The following MSRB2 variants were observed in gnomAD, a reference collection of about 807,000 sequenced individuals.
MSRB2 encodes the protein methionine-R-sulfoxide reductase B2, mitochondrial.
In MSRB2, 17 loss-of-function variants were observed where a neutral mutation model predicts 19.0. The ratio of observed to expected loss-of-function variants is 0.89; its 90% CI spans 0.61 to 1.34. The LOEUF (loss-of-function observed/expected upper bound fraction) is 1.34. Ranked by LOEUF, MSRB2 falls within the 40% of genes most tolerant of loss-of-function variation. MSRB2 has a pLI of 0.00. For missense variants in MSRB2, 208 were observed against 237.6 expected (o/e 0.88, Z 0.82); for synonymous variants, 107 against 99.7 (o/e 1.07, Z -0.44).
chr10:23,120,921 A>G lies in MSRB2; in HGVS notation c.*59A>G. 1 of 1,269,528 alleles carries G rather than the reference A, an allele frequency of 7.9e-7. No homozygotes were observed. Among genetic ancestry groups the G allele is most frequent in the East Asian group, 2.3e-5 (1 of 42,796 alleles). 78.6% of individuals were successfully genotyped at this position (1,269,528 alleles called of 1,614,324 possible). On this transcript the variant is annotated 3_prime_UTR_variant, in exon 5 of 5. Transcript: ENST00000376510. Reference sequence around the variant, plus strand: ...TTCACGTGCACCCTCAATTTCCACAATTCACTTGAATGACTTGTTTTATTT... The same window carrying G: ...TTCACGTGCACCCTCAATTTCCACAGTTCACTTGAATGACTTGTTTTATTT...
At chr10:23,107,228 C>T (rs190528157) in intron 2 of MSRB2, among the ~76,000 whole-genome samples, 14 of 152,340 alleles carry the variant, frequency 9.2e-5, no homozygotes, top group African/African-American at 2.2e-4. Context: ...TCCAATCAGG[C>T]GTACACCCAG....
chr10:23,106,207 T>C (rs565367007), intron 2 of MSRB2, among the ~76,000 whole-genome samples: 1 of 152,358 alleles, frequency 6.6e-6, no homozygotes, highest in East Asian at 1.9e-4. Flanking sequence ...TTTCCATGGA[T>C]CCATTTCCAC....
At chr10:23,120,317 G>C (rs1840167734) in intron 4 of MSRB2, among the ~76,000 whole-genome samples, 1 of 152,164 alleles carries the variant, frequency 6.6e-6, no homozygotes, top group Non-Finnish European at 1.5e-5. Flanking sequence ...TGACTCATGG[G>C]TTTTGTAAAA....
At chr10:23,107,566 A>G (rs1270791944) in intron 2 of MSRB2, among the ~76,000 whole-genome samples, 1 of 152,210 alleles carries the variant, frequency 6.6e-6, no homozygotes, top group African/African-American at 2.4e-5. Context: ...ATCTCAGATA[A>G]TATCTGATAC....
At chr10:23,104,926 T>C (rs1476670143) in intron 2 of MSRB2, among the ~76,000 whole-genome samples, 2 of 152,112 alleles carry the variant, frequency 1.3e-5, no homozygotes, top group Middle Eastern at 3.2e-3. Flanking sequence ...TGGCAAACCT[T>C]CTCCTAGCCC....
chr10:23,104,279 T>C, intron 2 of MSRB2, 35 bp downstream of exon 2: 1 of 1,594,348 alleles, frequency 6.3e-7, no homozygotes, highest in African/African-American at 1.3e-5. Flanking sequence ...TCTGATTGCA[T>C]GTGTTGGCAG....
intron 3 of MSRB2, among the ~76,000 whole-genome samples, chr10:23,113,625 G>A (rs1840078196): frequency 6.6e-6 from 1 of 152,192 alleles, no homozygotes; most frequent in African/African-American, 2.4e-5. Context: ...AGCTGGGAAT[G>A]TGACCTTATT....
chr10:23,111,434 A>G (rs537312345), intron 3 of MSRB2, among the ~76,000 whole-genome samples: 1 of 152,352 alleles, frequency 6.6e-6, no homozygotes, highest in African/African-American at 2.4e-5. Flanking sequence ...TTGTTACCGC[A>G]GGCACCAGGC....
chr10:23,104,875 C>A (rs542689859), intron 2 of MSRB2, among the ~76,000 whole-genome samples: 18 of 152,252 alleles, frequency 1.2e-4, no homozygotes, highest in African/African-American at 4.1e-4. Context: ...CCCATTCATT[C>A]AGACCTACCT....
At chr10:23,119,243 C>A (rs1391831042) in intron 3 of MSRB2, 61 bp from the exon 4 acceptor site, 1 of 1,590,384 alleles carries the variant, frequency 6.3e-7, no homozygotes, top group Non-Finnish European at 8.6e-7. Flanking sequence ...CATCGGGGCA[C>A]CTCTTGGCAT....
chr10:23,100,414 G>A (rs1395392417), intron 1 of MSRB2, among the ~76,000 whole-genome samples: 1 of 152,202 alleles, frequency 6.6e-6, no homozygotes, highest in African/African-American at 2.4e-5. Flanking sequence ...CAGACAGGAA[G>A]AGGCTTGTAT....
At chr10:23,112,519 G>A (rs979809628) in intron 3 of MSRB2, among the ~76,000 whole-genome samples, 1 of 152,210 alleles carries the variant, frequency 6.6e-6, no homozygotes, top group African/African-American at 2.4e-5. Flanking sequence ...ACATGGAAAA[G>A]CATAGAGCAA....
At chr10:23,108,460 G>A (rs1461532764) in intron 2 of MSRB2, among the ~76,000 whole-genome samples, 1 of 149,820 alleles carries the variant, frequency 6.7e-6, no homozygotes, top group African/African-American at 2.5e-5. Context: ...AGGTGGGAAG[G>A]ATGGGAAACT....
intron 4 of MSRB2, 105 bp from the exon 5 acceptor site, chr10:23,120,653 T>C: frequency 1.4e-6 from 1 of 699,126 alleles, no homozygotes; most frequent in African/African-American, 1.8e-5. Context: ...CTAACACAGA[T>C]GTCAGACTCC....
chr10:23,105,484 C>T (rs1482335064), intron 2 of MSRB2, among the ~76,000 whole-genome samples: 1 of 152,114 alleles, frequency 6.6e-6, no homozygotes, highest in Non-Finnish European at 1.5e-5. Context: ...AACCCCCTTT[C>T]CAGGCTCTGT....
chr10:23,098,716 T>C (rs1588966666), intron 1 of MSRB2, among the ~76,000 whole-genome samples: 1 of 152,232 alleles, frequency 6.6e-6, no homozygotes, highest in South Asian at 2.1e-4. Flanking sequence ...TTGTCGTGTA[T>C]CTAATTTACA....
chr10:23,100,519 A>G (rs984152568), intron 1 of MSRB2, among the ~76,000 whole-genome samples: 1 of 152,218 alleles, frequency 6.6e-6, no homozygotes, highest in African/African-American at 2.4e-5. Flanking sequence ...CAGGCTGTAC[A>G]GGAAGCATGG....
In MSRB2 at chr10:23,095,645, C is replaced by G; in HGVS notation, c.37C>G (p.Leu13Val). ...RLLWLLRGLT[L>V]GTAPRRAVRG... Reference sequence around the variant, plus strand: ...CCTCTGGTTGCTCCGGGGCCTGACCCTCGGAACTGCGCCTCGGCGGGCGGT... The same window carrying G: ...CCTCTGGTTGCTCCGGGGCCTGACCGTCGGAACTGCGCCTCGGCGGGCGGT... The change falls in exon 1 of 5, where the codon CTC (leucine) becomes GTC (valine). Residue 13 changes from leucine to valine, a missense_variant. By Grantham distance (32) the Leu-to-Val change is conservative. Coordinates refer to ENST00000376510, the MANE Select transcript of MSRB2 (RefSeq NM_012228.4). 1 of 1,448,248 alleles carries G rather than the reference C, an allele frequency of 6.9e-7. No individual in the cohort carries two copies. Among genetic ancestry groups the G allele is most frequent in the Non-Finnish European group, 9.0e-7 (1 of 1,106,386 alleles). 89.7% of individuals were successfully genotyped at this position (1,448,248 alleles called of 1,614,324 possible). A position where few individuals can be genotyped will look rare whatever the true frequency, so the allele number is the denominator to read the frequency against.
At chr10:23,116,343 G>A (rs1033239439) in intron 3 of MSRB2, among the ~76,000 whole-genome samples, 10 of 152,290 alleles carry the variant, frequency 6.6e-5, no homozygotes, top group East Asian at 1.9e-4. Flanking sequence ...CACTTGGAAG[G>A]GGGAGCAGCT....
Sources: gnomAD v4.1 joint callset for allele counts (sites outside exome capture counted in the v4.1 genomes callset) on GRCh38, gnomAD v4.1.1 for gene constraint, MANE v1.5 for transcripts, NCBI Gene and HGNC (gene_info 2026-07-23, HGNC 2026-07-21) for gene names.